The following THSD7A variants were observed in gnomAD, a reference collection of about 807,000 sequenced individuals.
The protein encoded by THSD7A is thrombospondin type-1 domain-containing protein 7A.
In THSD7A, 96 loss-of-function variants were observed where a neutral mutation model predicts 231.3. That is an observed-to-expected ratio of 0.41 (90% CI 0.35 to 0.49). THSD7A has a LOEUF of 0.49. Among genes scored for constraint, THSD7A ranks in the 20% least tolerant of loss-of-function variants. THSD7A has a pLI of 0.05. For synonymous variants in THSD7A, 940 were observed against 743.3 expected (o/e 1.26, Z -4.30); for missense variants, 2,290 against 2,070.2 (o/e 1.11, Z -2.06).
chr7:11,506,336 C>T (rs956693832), intron 6 of THSD7A, among the ~76,000 whole-genome samples: 2 of 152,114 alleles, frequency 1.3e-5, no homozygotes, highest in Non-Finnish European at 2.9e-5. Flanking sequence ...ATTTTCTTCA[C>T]CAAAGAGAAT....
At chr7:11,627,633 T>C (rs1180447107) in intron 2 of THSD7A, among the ~76,000 whole-genome samples, 1 of 152,082 alleles carries the variant, frequency 6.6e-6, no homozygotes, top group African/African-American at 2.4e-5. Context: ...GAATGGGAGA[T>C]GTACATAAAC....
intron 1 of THSD7A, among the ~76,000 whole-genome samples, chr7:11,655,922 G>C (rs1562448190): frequency 6.6e-6 from 1 of 151,866 alleles, no homozygotes; most frequent in Non-Finnish European, 1.5e-5. Context: ...TGAAAACCCT[G>C]TGCCTGAGTA....
intron 1 of THSD7A, among the ~76,000 whole-genome samples, chr7:11,661,867 T>C (rs1421669649): frequency 6.6e-6 from 1 of 151,296 alleles, no homozygotes; most frequent in African/African-American, 2.4e-5. Context: ...GTGTTATCAA[T>C]GGAAGACAAG....
chr7:11,511,141 A>G (rs542992168), intron 6 of THSD7A, among the ~76,000 whole-genome samples: 1 of 152,336 alleles, frequency 6.6e-6, no homozygotes, highest in South Asian at 2.1e-4. Flanking sequence ...CGCCAATAAC[A>G]GACAAGCAGA....
chr7:11,726,504 G>A (rs1406962238), intron 1 of THSD7A, among the ~76,000 whole-genome samples: 5 of 151,950 alleles, frequency 3.3e-5, no homozygotes, highest in African/African-American at 4.8e-5. Flanking sequence ...TACTCAGTCT[G>A]TTTTGGCCTG....
At position 11,541,546 on chromosome 7, in the gene THSD7A, G is replaced by A; in HGVS notation, c.1695C>T (p.Ala565=). ...VTGNCPHLLE[A]IPCEEPACYD... is the part of the protein sequence containing the mutation. Reference sequence around the variant, plus strand: ...AACAGGCAGGCTCTTCACAGGGAATGGCTTCCAGTAAGTGAGGGCAGTTTC... The same window carrying A: ...AACAGGCAGGCTCTTCACAGGGAATAGCTTCCAGTAAGTGAGGGCAGTTTC... Residue 565 remains alanine (A), a synonymous_variant, in exon 6 of 28, where the codon GCC becomes GCT. Transcript: ENST00000423059. 1 of 1,613,962 alleles carries A rather than the reference G, an allele frequency of 6.2e-7. No homozygotes were observed. The highest frequency in any genetic ancestry group is 8.5e-7 in the Non-Finnish European group (1 of 1,179,882).
At position 11,406,491 on chromosome 7, in the gene THSD7A, A is replaced by T. The variant is rs769358978; in HGVS notation, c.4063-17T>A. 12 of 1,594,364 alleles carry T rather than the reference A, an allele frequency of 7.5e-6. No individual in the cohort carries two copies. Among genetic ancestry groups the T allele is most frequent in the Non-Finnish European group, 1.0e-5 (12 of 1,172,014 alleles). On this transcript the variant is annotated splice_polypyrimidine_tract_variant and intron_variant, in intron 21 of 27. Coordinates refer to ENST00000423059, the MANE Select transcript of THSD7A (RefSeq NM_015204.3). This position sits in a 1 kb window ranked among gnomAD's most constrained non-coding sequence, Gnocchi z 4.7. The stretch of plus-strand genomic sequence containing the variant: ...CTGGGCCTCCTGGAATGGAGGAAGA[A>T]ATAACTAATTAGAAAAAGAGAAATA...
chr7:11,507,377 T>C (rs1314427470), intron 6 of THSD7A, among the ~76,000 whole-genome samples: 2 of 152,218 alleles, frequency 1.3e-5, no homozygotes, highest in African/African-American at 4.8e-5. Flanking sequence ...TTAGTGACTT[T>C]ATATATTGTT....
intron 1 of THSD7A, among the ~76,000 whole-genome samples, chr7:11,732,373 A>G (rs1221052342): frequency 1.3e-5 from 2 of 151,872 alleles, no homozygotes; most frequent in Non-Finnish European, 1.5e-5. Context: ...TCAGTCAGCC[A>G]TGTGGCATAC....
At chr7:11,664,114 T>C (rs1236692625) in intron 1 of THSD7A, among the ~76,000 whole-genome samples, 1 of 151,786 alleles carries the variant, frequency 6.6e-6, no homozygotes, top group Non-Finnish European at 1.5e-5. Flanking sequence ...TTTATTATAT[T>C]GATATTCCTC....
At chr7:11,565,609 G>A (rs1790275845) in intron 4 of THSD7A, among the ~76,000 whole-genome samples, 1 of 137,248 alleles carries the variant, frequency 7.3e-6, no homozygotes. Flanking sequence ...TAAGGAAATG[G>A]TTGTGGGGGT....
At chr7:11,595,449 G>A (rs893907096) in intron 2 of THSD7A, among the ~76,000 whole-genome samples, 19 of 152,172 alleles carry the variant, frequency 1.2e-4, no homozygotes, top group African/African-American at 4.3e-4. Context: ...CCAGCTTGGG[G>A]AGTTAAAAAA....
intron 6 of THSD7A, among the ~76,000 whole-genome samples, chr7:11,488,481 T>C (rs1049747201): frequency 1.1e-4 from 17 of 152,090 alleles, no homozygotes; most frequent in African/African-American, 4.1e-4. Context: ...TATGCCTCAT[T>C]CTTCACTCCC....
At chr7:11,786,699 G>C (rs1783803378) in intron 1 of THSD7A, among the ~76,000 whole-genome samples, 1 of 150,206 alleles carries the variant, frequency 6.7e-6, no homozygotes, top group Non-Finnish European at 1.5e-5. Flanking sequence ...CTGTAGTATG[G>C]GTTTTGTTAC....
At chr7:11,549,913 C>T (rs879780199) in intron 4 of THSD7A, among the ~76,000 whole-genome samples, 10 of 151,996 alleles carry the variant, frequency 6.6e-5, no homozygotes, top group Non-Finnish European at 1.2e-4. Flanking sequence ...ACATGTACCC[C>T]AGAACTTAAA....
At chr7:11,583,318 C>T (rs745690193) in intron 4 of THSD7A, among the ~76,000 whole-genome samples, 5 of 152,018 alleles carry the variant, frequency 3.3e-5, no homozygotes, top group East Asian at 1.9e-4. Context: ...TCTCTGCCAC[C>T]GAGGCTGGAG....
In THSD7A at chr7:11,659,638, A is replaced by G. The variant is rs920481621; in HGVS notation, c.191-22677T>C. Among the ~76,000 whole-genome samples the G allele has an allele frequency of 2.6e-5, 4 of 151,418 alleles. No homozygotes were observed. In the Admixed American group the frequency reaches 2.6e-4, roughly 10 times the overall value. ...GATTACTAGTGCCTTGAAGGTGGGT[A>G]CATTCTTGTTATTTTTCTATTTCCA... is the stretch of plus-strand genomic sequence containing the variant. On this transcript the variant is annotated intron_variant, in intron 1 of 27. Transcript: ENST00000423059.
chr7:11,783,829 C>G (rs1413792695), intron 1 of THSD7A, among the ~76,000 whole-genome samples: 1 of 152,024 alleles, frequency 6.6e-6, no homozygotes. Context: ...TTAATATACT[C>G]TTTTTAGTTG....
chr7:11,425,862 C>T (rs1415709995), intron 15 of THSD7A, among the ~76,000 whole-genome samples: 1 of 151,444 alleles, frequency 6.6e-6, no homozygotes, highest in Non-Finnish European at 1.5e-5. Flanking sequence ...TTTAAATAGC[C>T]CTTTGCAGCC....
Sources: gnomAD v4.1 joint callset for allele counts (sites outside exome capture counted in the v4.1 genomes callset) on GRCh38, gnomAD v4.1.1 for gene constraint, Gnocchi (gnomAD v3.1) non-coding constraint, MANE v1.5 for transcripts, NCBI Gene and HGNC (gene_info 2026-07-23, HGNC 2026-07-21) for gene names.